The following THADA variants were observed in gnomAD, a reference collection of about 807,000 sequenced individuals.
THADA encodes the protein THADA armadillo repeat containing.
Under a neutral mutation model 219.8 loss-of-function variants are expected in THADA, and 213 were observed. The observed-to-expected ratio is 0.97, with a 90% CI of 0.87 to 1.09. The LOEUF (loss-of-function observed/expected upper bound fraction) is 1.09. Ranked by LOEUF, THADA falls within the 50% of genes least tolerant of loss-of-function variation. The pLI is 0.00. For synonymous variants in THADA, 1,018 were observed against 828.9 expected, an observed-to-expected ratio of 1.23 and a Z score of -3.92; for missense variants, 2,956 against 2,311.3, an observed-to-expected ratio of 1.28 and a Z score of -5.72.
chr2:43,441,796 C>G (rs1221600500), intron 26 of THADA, among the ~76,000 whole-genome samples: 1 of 152,208 alleles, frequency 6.6e-6, no homozygotes, highest in Non-Finnish European at 1.5e-5. Flanking sequence ...ATATTTGAAT[C>G]TCCCTGCTCT....
At chr2:43,477,791 A>T (rs909375842) in intron 26 of THADA, among the ~76,000 whole-genome samples, 1 of 152,250 alleles carries the variant, frequency 6.6e-6, no homozygotes, top group Admixed American at 6.5e-5. Context: ...TCTAGGAATG[A>T]ATGACTGAAT....
intron 29 of THADA, among the ~76,000 whole-genome samples, chr2:43,381,074 G>A: frequency 7.0e-6 from 1 of 142,830 alleles, no homozygotes; most frequent in Non-Finnish European, 1.5e-5. Context: ...CTCCAGCCCG[G>A]GCGAGACAGA....
chr2:43,402,173 G>C (rs983721256), intron 28 of THADA, among the ~76,000 whole-genome samples: 2 of 152,176 alleles, frequency 1.3e-5, no homozygotes, highest in South Asian at 2.1e-4. Flanking sequence ...GTGGCTGTCA[G>C]GTTTGTGTTC....
chr2:43,231,876 C>G (rs1229870195), intron 37 of THADA, among the ~76,000 whole-genome samples: 1 of 152,176 alleles, frequency 6.6e-6, no homozygotes, highest in Non-Finnish European at 1.5e-5. Context: ...GAACCCTTGG[C>G]CTGCTGGGGA....
chr2:43,457,246 C>G (rs1313882841), intron 26 of THADA, among the ~76,000 whole-genome samples: 3 of 151,428 alleles, frequency 2.0e-5, no homozygotes, highest in African/African-American at 7.3e-5. Flanking sequence ...GCTACTCTCA[C>G]TCTCCTACTC....
intron 35 of THADA, among the ~76,000 whole-genome samples, chr2:43,281,903 G>A (rs191033433): frequency 2.0e-4 from 31 of 152,246 alleles, no homozygotes; most frequent in Admixed American, 1.5e-3. Flanking sequence ...CTGAGTAGCT[G>A]GAACTACAGG....
intron 29 of THADA, among the ~76,000 whole-genome samples, chr2:43,350,210 G>A (rs1175064579): frequency 1.3e-5 from 2 of 152,176 alleles, no homozygotes; most frequent in Non-Finnish European, 2.9e-5. Flanking sequence ...CAGGCAGGCA[G>A]AAGTATTTTA....
chr2:43,311,109 G>A (rs1444037777), intron 31 of THADA, among the ~76,000 whole-genome samples: 1 of 152,064 alleles, frequency 6.6e-6, no homozygotes, highest in Non-Finnish European at 1.5e-5. Flanking sequence ...CCGGGAGGCG[G>A]AGGTTGCAGT....
intron 15 of THADA, chr2:43,564,771 TC>T (rs1698472265): frequency 6.6e-6 from 1 of 152,188 alleles, no homozygotes; most frequent in South Asian, 2.1e-4. Context: ...AACACCATTA[TC>T]ACCTATGCAA....
chr2:43,383,262 G>C (rs916238985), intron 29 of THADA, among the ~76,000 whole-genome samples: 1 of 152,190 alleles, frequency 6.6e-6, no homozygotes, highest in Non-Finnish European at 1.5e-5. Flanking sequence ...ATCAACCTAG[G>C]CTCACTATAT....
intron 23 of THADA, among the ~76,000 whole-genome samples, chr2:43,506,469 C>G (rs1175744059): frequency 6.6e-6 from 1 of 152,132 alleles, no homozygotes; most frequent in Non-Finnish European, 1.5e-5. Flanking sequence ...AAAGAAGCCA[C>G]ACACAAAAGA....
At chr2:43,406,939 C>A (rs988103845) in intron 28 of THADA, among the ~76,000 whole-genome samples, 1 of 152,138 alleles carries the variant, frequency 6.6e-6, no homozygotes, top group African/African-American at 2.4e-5. Flanking sequence ...ATCGCAAAAC[C>A]CTTCACAATG....
At position 43,549,321 on chromosome 2, in the gene THADA, C is replaced by A. The variant is rs1696472589; in HGVS notation, c.2995G>T (p.Asp999Tyr). The A allele has an allele frequency of 6.2e-7, 1 of 1,602,714 alleles. No homozygotes were observed. Among genetic ancestry groups the A allele is most frequent in the Non-Finnish European group, 8.5e-7 (1 of 1,174,806 alleles). ...QMILNEIQPR[D>Y]TNDYFNQAKI... is the part of the protein sequence containing the mutation. ...GCTTGGTTAAAATAATCATTAGTAT[C>A]TCGAGGCTGAATCTCATTCAGAATC... Residue 999 changes from aspartate to tyrosine, a missense_variant, in exon 20 of 38, where the codon GAT (aspartate) becomes TAT (tyrosine). Asp to Tyr is a radical substitution (Grantham distance 160). Transcript: ENST00000405975.
intron 26 of THADA, among the ~76,000 whole-genome samples, chr2:43,441,700 G>C (rs1680865423): frequency 6.6e-6 from 1 of 152,158 alleles, no homozygotes; most frequent in Non-Finnish European, 1.5e-5. Flanking sequence ...CCATATAAAA[G>C]AATTTCATAG....
chr2:43,448,560 C>CTTTTTTTTTTTTTTTTT (rs71410179), intron 26 of THADA, among the ~76,000 whole-genome samples: 5 of 103,608 alleles, frequency 4.8e-5, no homozygotes, highest in Middle Eastern at 5.2e-3. Flanking sequence ...TTCTTCCTTT[C>CTTTTTTTTTTTTTTTTT]TTTTTTTTTT....
At chr2:43,433,057 C>T (rs1390635717) in intron 26 of THADA, among the ~76,000 whole-genome samples, 1 of 152,066 alleles carries the variant, frequency 6.6e-6, no homozygotes, top group Non-Finnish European at 1.5e-5. Context: ...AGAAAGATAT[C>T]GTATATCTTC....
intron 22 of THADA, among the ~76,000 whole-genome samples, chr2:43,518,346 C>T (rs890736275): frequency 6.6e-6 from 1 of 152,134 alleles, no homozygotes; most frequent in Non-Finnish European, 1.5e-5. Flanking sequence ...TGTTAAGAGC[C>T]AGCAGTTGAT....
In THADA at chr2:43,273,546, G is replaced by C. The variant is rs551487632; in HGVS notation, c.5296+6219C>G. 9.8e-5 allele frequency among the ~76,000 whole-genome samples: 15 copies of C among 152,298 alleles called. 1 individual carries two copies. In the South Asian group the frequency reaches 2.1e-3, roughly 21 times the overall value. On this transcript the variant is annotated intron_variant, in intron 36 of 37. Transcript: ENST00000405975. Reference sequence around the variant, plus strand: ...GAGCCTACTGGAAGGCAGGAGGAAGGGGGAGGCAGTCAGTACTTGCAGAGC... The same window carrying C: ...GAGCCTACTGGAAGGCAGGAGGAAGCGGGAGGCAGTCAGTACTTGCAGAGC...
chr2:43,545,428 G>T (rs993389749), intron 20 of THADA, among the ~76,000 whole-genome samples: 8 of 151,424 alleles, frequency 5.3e-5, no homozygotes, highest in Non-Finnish European at 1.0e-4. Flanking sequence ...TCTATTGATT[G>T]GAATAGTTTC....
Sources: allele counts gnomAD v4.1 joint callset (sites outside exome capture counted in the v4.1 genomes callset), GRCh38; gene constraint gnomAD v4.1.1; transcripts MANE v1.5; gene names NCBI Gene and HGNC (gene_info 2026-07-23, HGNC 2026-07-21).